Variants in KLF12 observed in about 807,000 individuals in gnomAD.
KLF12 encodes KLF transcription factor 12.
KLF12 carries 9 observed loss-of-function variants against 37.8 expected under a neutral mutation model. That is an observed-to-expected ratio of 0.24 (90% confidence interval 0.14 to 0.42). The LOEUF is 0.42. KLF12 is among the 10% of genes least tolerant of loss of function. The probability of loss-of-function intolerance (pLI) is 1.00; values close to 1 mark genes in which losing one functional copy is unlikely to be tolerated. For missense variants in KLF12, 411 were observed against 516.0 expected (o/e 0.80, Z 1.97); for synonymous variants, 208 against 202.1 (o/e 1.03, Z -0.25).
At chr13:73,897,171 C>A (rs987169594) in intron 3 of KLF12, among the ~76,000 whole-genome samples, 1 of 151,888 alleles carries the variant, frequency 6.6e-6, no homozygotes, top group Non-Finnish European at 1.5e-5. Context: ...ATATTGAAAA[C>A]AGTTAATAAA....
intron 1 of KLF12, among the ~76,000 whole-genome samples, chr13:74,025,737 G>A (rs7324708): frequency 0.15 from 22,882 of 152,038 alleles, 2,284 homozygotes; most frequent in Middle Eastern, 0.26. Flanking sequence ...AGTCACTGTC[G>A]TAAATATAAT....
At chr13:74,198,591 A>G in the KLF12 span, among the ~76,000 whole-genome samples, 1 of 152,238 alleles carries the variant, frequency 6.6e-6, no homozygotes, top group Non-Finnish European at 1.5e-5. Context: ...TGAATCAAAT[A>G]GTAATTCATA....
chr13:74,152,174 G>T, the KLF12 span, among the ~76,000 whole-genome samples: 7 of 152,254 alleles, frequency 4.6e-5, no homozygotes, highest in South Asian at 4.1e-4. Flanking sequence ...CAACACATTT[G>T]CTCTGATTCC....
chr13:73,796,509 G>GTGC (rs1256502612), intron 5 of KLF12, among the ~76,000 whole-genome samples: 4 of 52,048 alleles, frequency 7.7e-5, no homozygotes, highest in Non-Finnish European at 1.6e-4. Flanking sequence ...CCCCTGTGCT[G>GTGC]TGTGTGTGTG....
intron 5 of KLF12, 59 bp from the exon 6 acceptor site, chr13:73,765,059 A>T (rs1038494999): frequency 2.0e-5 from 20 of 984,076 alleles, no homozygotes; most frequent in Non-Finnish European, 2.5e-5. Flanking sequence ...TTGCAAATTT[A>T]AAAAAATGGC....
chr13:74,096,602 T>G (rs1876000306), intron 1 of KLF12, among the ~76,000 whole-genome samples: 1 of 152,200 alleles, frequency 6.6e-6, no homozygotes, highest in South Asian at 2.1e-4. Flanking sequence ...AAATCAATAT[T>G]CATAAATCAT....
intron 1 of KLF12, among the ~76,000 whole-genome samples, chr13:74,103,930 G>A (rs1285591795): frequency 3.1e-4 from 47 of 152,192 alleles, no homozygotes; most frequent in Non-Finnish European, 5.4e-4. Context: ...ATGGGGTTAA[G>A]TAAAGCCTGA....
At chr13:74,261,057 C>A in the KLF12 span, among the ~76,000 whole-genome samples, 1 of 151,922 alleles carries the variant, frequency 6.6e-6, no homozygotes, top group Non-Finnish European at 1.5e-5. Context: ...GATGGGTGCA[C>A]CAAAATCTCA....
chr13:73,934,581 A>G (rs541278231), intron 3 of KLF12, among the ~76,000 whole-genome samples: 87 of 152,262 alleles, frequency 5.7e-4, no homozygotes, highest in African/African-American at 2.1e-3. Flanking sequence ...CTGATTTCAG[A>G]TAAGAAGACT....
At chr13:74,304,097 G>A in the KLF12 span, among the ~76,000 whole-genome samples, 1 of 152,048 alleles carries the variant, frequency 6.6e-6, no homozygotes, top group Non-Finnish European at 1.5e-5. Context: ...TCTCTAGCTG[G>A]ATGCTGTGAT....
At chr13:74,205,267 A>G in the KLF12 span, among the ~76,000 whole-genome samples, 1 of 152,160 alleles carries the variant, frequency 6.6e-6, no homozygotes, top group African/African-American at 2.4e-5. Flanking sequence ...AATTCATAAT[A>G]AAACAAATGG....
At chr13:73,868,606 G>C (rs1027432226) in intron 3 of KLF12, among the ~76,000 whole-genome samples, 1 of 151,932 alleles carries the variant, frequency 6.6e-6, no homozygotes, top group Non-Finnish European at 1.5e-5. Flanking sequence ...GGCCAGGCTG[G>C]TCTCTCGAAC....
At chr13:74,243,250 C>A in the KLF12 span, among the ~76,000 whole-genome samples, 3 of 151,804 alleles carry the variant, frequency 2.0e-5, no homozygotes, top group African/African-American at 7.3e-5. Flanking sequence ...GTGATGGTTT[C>A]CAGCTTTATC....
chr13:73,703,845 T>C (rs1014879698), intron 7 of KLF12, among the ~76,000 whole-genome samples: 1 of 152,154 alleles, frequency 6.6e-6, no homozygotes, highest in Non-Finnish European at 1.5e-5. Flanking sequence ...TGGTCAGAAC[T>C]GGGCACGGAG....
chr13:73,729,862 T>C (rs937880674), intron 6 of KLF12, among the ~76,000 whole-genome samples: 2 of 152,146 alleles, frequency 1.3e-5, no homozygotes, highest in African/African-American at 4.8e-5. Context: ...AGCAACTTGA[T>C]AATCTAGTAA....
At chr13:74,137,864 G>A (rs764308988), upstream of KLF12, among the ~76,000 whole-genome samples, 1 of 152,160 alleles carries the variant, frequency 6.6e-6, no homozygotes, top group East Asian at 1.9e-4. Context: ...GCGTTCAAGC[G>A]ATTCTCCTGC....
intron 2 of KLF12, among the ~76,000 whole-genome samples, chr13:73,985,379 C>T (rs961394457): frequency 4.6e-5 from 7 of 152,192 alleles, no homozygotes; most frequent in South Asian, 2.1e-4. Context: ...GGACACTCAA[C>T]TCTCAGTTAA....
At chr13:74,139,769 T>A in the KLF12 span, among the ~76,000 whole-genome samples, 4 of 152,118 alleles carry the variant, frequency 2.6e-5, no homozygotes, top group Admixed American at 2.6e-4. Flanking sequence ...CATTTGCAAA[T>A]TTTGAGGTTA....
chr13:74,273,656 G>A, the KLF12 span, among the ~76,000 whole-genome samples: 2 of 152,022 alleles, frequency 1.3e-5, no homozygotes. Context: ...GTTATGCAAA[G>A]TAGAAAGCTT....
Sources: gnomAD v4.1 joint callset for allele counts (sites outside exome capture counted in the v4.1 genomes callset) on GRCh38, gnomAD v4.1.1 for gene constraint, MANE v1.5 for transcripts, NCBI Gene and HGNC (gene_info 2026-07-23, HGNC 2026-07-21) for gene names.